Variants in ERCC1 observed in about 807,000 individuals in gnomAD.
ERCC1 encodes ERCC excision repair 1, endonuclease non-catalytic subunit.
Under a neutral mutation model 37.6 loss-of-function variants are expected in ERCC1, and 36 were observed. That is an observed-to-expected ratio of 0.96 (90% CI 0.73 to 1.26). The LOEUF is 1.26. Among genes scored for constraint, ERCC1 ranks in the 50% most tolerant of loss-of-function variants. The probability of loss-of-function intolerance (pLI) is 0.00; values close to 1 mark genes in which losing one functional copy is unlikely to be tolerated. For missense variants in ERCC1, 349 were observed against 376.5 expected (o/e 0.93, Z 0.60); for synonymous variants, 156 against 162.1 (o/e 0.96, Z 0.28).
At chr19:45,441,126 T>G (rs569842297) in intron 1 of ERCC1, among the ~76,000 whole-genome samples, 2 of 152,234 alleles carry the variant, frequency 1.3e-5, no homozygotes, top group African/African-American at 2.4e-5. Context: ...CTCTGTTCCC[T>G]GGGCCTAGGT....
At chr19:45,434,155 CAAAAA>C (rs138387403) in intron 1 of ERCC1, among the ~76,000 whole-genome samples, 81 of 97,476 alleles carry the variant, frequency 8.3e-4, no homozygotes, top group African/African-American at 1.6e-3. Flanking sequence ...CACACACACA[CAAAAA>C]AAAAAAAAAA....
chr19:45,420,265 ACCCT>A lies in ERCC1; in HGVS notation c.425+55_425+58del. On this transcript the variant is annotated intron_variant, in intron 4 of 9. Coordinates refer to ENST00000300853, the MANE Select transcript of ERCC1 (RefSeq NM_001983.4). This position sits in a 1 kb window ranked among gnomAD's most constrained non-coding sequence, Gnocchi z 4.8. ...GAACAGTCCAGAACACTGGGACATG[ACCCT>A]CCCAGGCCAGTGGGGTGCCCTTCCT... 1 of 1,092,436 alleles carries A rather than the reference ACCCT, an allele frequency of 9.2e-7. No homozygotes were observed. The allele number at this position is 1,092,436 out of a possible 1,614,324, so 67.7% of individuals were successfully genotyped here. A position where few individuals can be genotyped will look rare whatever the true frequency, so the allele number is the denominator to read the frequency against.
chr19:45,445,218 T>C (rs372219708), intron 1 of ERCC1, among the ~76,000 whole-genome samples: 2 of 152,200 alleles, frequency 1.3e-5, no homozygotes, highest in Non-Finnish European at 2.9e-5. Context: ...GGTTTCACCA[T>C]GTTGGCCAGG....
At chr19:45,414,240 C>G (rs1477251389) in intron 7 of ERCC1, 6 of 611,028 alleles carry the variant, frequency 9.8e-6, no homozygotes, top group African/African-American at 1.8e-5. Context: ...ACTTTCGAGG[C>G]CGAGGCGGGA....
chr19:45,412,592 A>G (rs779478187), intron 9 of ERCC1, among the ~76,000 whole-genome samples: 1 of 152,052 alleles, frequency 6.6e-6, no homozygotes, highest in Non-Finnish European at 1.5e-5. Flanking sequence ...TTGGATTATT[A>G]TATTTTATCC....
upstream of ERCC1, among the ~76,000 whole-genome samples, chr19:45,426,357 T>G (rs1599848398): frequency 8.6e-6 from 1 of 116,266 alleles, no homozygotes; most frequent in Non-Finnish European, 1.6e-5. Flanking sequence ...CCAGCCTGGG[T>G]GACAGAGCCA....
At chr19:45,437,109 C>T (rs1033565523) in intron 1 of ERCC1, among the ~76,000 whole-genome samples, 2 of 151,928 alleles carry the variant, frequency 1.3e-5, no homozygotes, top group African/African-American at 4.8e-5. Context: ...ATTAGCCAGG[C>T]GTTGTGACAC....
At chr19:45,423,454 C>T in intron 1 of ERCC1, 73 bp from the exon 2 acceptor site, 1 of 1,534,508 alleles carries the variant, frequency 6.5e-7, no homozygotes, top group East Asian at 2.4e-5. Flanking sequence ...GAACCCCCCA[C>T]TCACAGCCGT....
upstream of ERCC1, among the ~76,000 whole-genome samples, chr19:45,426,971 A>C (rs1974710171): frequency 6.6e-6 from 1 of 151,318 alleles, no homozygotes; most frequent in Admixed American, 6.6e-5. Flanking sequence ...AAAAAAAAAA[A>C]AAAAAAAAAA....
intron 1 of ERCC1, among the ~76,000 whole-genome samples, chr19:45,432,057 C>T (rs1974847340): frequency 6.6e-6 from 1 of 152,038 alleles, no homozygotes; most frequent in Non-Finnish European, 1.5e-5. Context: ...CTGCAACCTC[C>T]GCCTCCCGGG....
Position 45,446,572 on chromosome 19 carries a change from C to T in ERCC1, c.-7-23191G>A, listed in dbSNP as rs114660459. 9.0e-3 allele frequency among the ~76,000 whole-genome samples: 1,371 copies of T among 152,218 alleles called. 23 individuals carry two copies. The highest frequency in any genetic ancestry group is 0.027 in the African/African-American group (1,141 of 41,528). On this transcript the variant is annotated intron_variant, in intron 1 of 8. Coordinates refer to the ERCC1 transcript ENST00000423698. ...CAAAGATGGTACCCCTCTATTGGGA[C>T]GGCTATTCCCAAGCCCACACACCCG...
At position 45,443,469 on chromosome 19, in the gene ERCC1, C is replaced by G. The variant is rs146050993; in HGVS notation, c.-7-20088G>C. 5.8e-3 allele frequency among the ~76,000 whole-genome samples: 885 copies of G among 152,286 alleles called. 5 individuals are homozygous for G. The highest frequency in any genetic ancestry group is 0.019 in the African/African-American group (784 of 41,550). On this transcript the variant is annotated intron_variant, in intron 1 of 8. Transcript: ENST00000423698. ...ACCTTGGGTCCCAGATCCCAGATCG[C>G]CAGTGAGTAAGAAAACGGGTTCGCG...
intron 1 of ERCC1, among the ~76,000 whole-genome samples, chr19:45,433,048 C>G (rs1418155796): frequency 2.0e-5 from 3 of 151,856 alleles, no homozygotes; most frequent in Admixed American, 2.0e-4. Flanking sequence ...CCACTGCACT[C>G]CAGCCTGGGC....
chr19:45,440,107 C>T (rs907038914), intron 1 of ERCC1, among the ~76,000 whole-genome samples: 2 of 151,598 alleles, frequency 1.3e-5, no homozygotes, highest in African/African-American at 4.8e-5. Flanking sequence ...CTGGCGGTCA[C>T]ACTCGCCCCC....
chr19:45,442,218 A>C (rs1025715250), intron 1 of ERCC1, among the ~76,000 whole-genome samples: 33 of 150,518 alleles, frequency 2.2e-4, no homozygotes, highest in African/African-American at 8.1e-4. Flanking sequence ...CAGGAGGCTG[A>C]GGTGGGTGGG....
rs2123437746 is a variant in ERCC1, at chr19:45,409,576, G to A, written c.*99C>T. On this transcript the variant is annotated 3_prime_UTR_variant, in exon 10 of 10. Transcript: ENST00000300853. ...GGGCCACCAGAAGGTGACACCCCCA[G>A]AATCCCTCCCCAGAGACTGCACCAG... The A allele has an allele frequency of 6.3e-7, 1 of 1,575,064 alleles. No homozygotes were observed. Among genetic ancestry groups the A allele is most frequent in the Non-Finnish European group, 8.6e-7 (1 of 1,160,302 alleles).
chr19:45,447,508 C>T (rs1257561088), intron 1 of ERCC1, among the ~76,000 whole-genome samples: 1 of 152,078 alleles, frequency 6.6e-6, no homozygotes, highest in Admixed American at 6.6e-5. Flanking sequence ...CTCCTGACCT[C>T]AGGTGGTCCA....
At position 45,415,842 on chromosome 19, in the gene ERCC1, G is replaced by A. The variant is rs28526508; in HGVS notation, c.603-882C>T. 2.7e-3 allele frequency: 1,232 copies of A among 454,282 alleles called. 8 individuals are homozygous for A. The highest frequency in any genetic ancestry group is 0.023 in the African/African-American group (1,127 of 50,048). 28.1% of individuals were successfully genotyped at this position (454,282 alleles called of 1,614,324 possible). ...TGCTCTCTGGGCCTGTTTCCTCACTGTAAAGTGGGGTGGTCAGGCATAGTG... is the reference window on the plus strand; with the variant it reads ...TGCTCTCTGGGCCTGTTTCCTCACTATAAAGTGGGGTGGTCAGGCATAGTG... On this transcript the variant is annotated intron_variant, in intron 6 of 9. Transcript: ENST00000300853.
intron 6 of ERCC1, among the ~76,000 whole-genome samples, chr19:45,415,635 C>CCA (rs1974018730): frequency 4.3e-5 from 2 of 46,724 alleles, no homozygotes; most frequent in African/African-American, 1.6e-4. Context: ...GACTCCGTCT[C>CCA]AAAAAAAAAA....
Sources: allele counts gnomAD v4.1 joint callset (sites outside exome capture counted in the v4.1 genomes callset), GRCh38; gene constraint gnomAD v4.1.1; non-coding constraint Gnocchi (gnomAD v3.1); transcripts MANE v1.5; gene names NCBI Gene and HGNC (gene_info 2026-07-23, HGNC 2026-07-21).